Variants in MIIP observed in about 807,000 individuals in gnomAD.
MIIP encodes migration and invasion inhibitory protein, also known as migration and invasion-inhibitory protein.
A neutral mutation model predicts 44.8 loss-of-function variants in MIIP; 44 were observed. That is an observed-to-expected ratio of 0.98 (90% confidence interval 0.77 to 1.26). MIIP has a LOEUF of 1.26. MIIP is among the 50% of genes most tolerant of loss of function. The pLI is 0.00. For synonymous variants in MIIP, 225 were observed against 218.3 expected (o/e 1.03, Z -0.27); for missense variants, 496 against 511.7 (o/e 0.97, Z 0.30).
chr1:12,031,016 G>A (rs919330116), intron 8 of MIIP: 3 of 506,444 alleles, frequency 5.9e-6, no homozygotes, highest in Non-Finnish European at 1.1e-5. Context: ...CCTACAGCAG[G>A]AAGTACCCTG....
At chr1:12,029,343 C>T (rs1484752290) in intron 6 of MIIP, 62 bp downstream of exon 6, 3 of 1,528,676 alleles carry the variant, frequency 2.0e-6, no homozygotes, top group Non-Finnish European at 2.7e-6. Flanking sequence ...CTGGCCTCCC[C>T]TGCCCCAGAG....
At position 12,031,395 on chromosome 1, in the gene MIIP, T is replaced by C. The variant is rs775747063; in HGVS notation, c.1072T>C (p.Phe358Leu). ...HQKLSGTSSPFHPASPMQMLP... is the reference protein window; with the variant it reads ...HQKLSGTSSPLHPASPMQMLP... ...GAAGCTGTCCGGCACCAGCAGCCCTTTTCACCCGGTACGGTCCAGATCGCA... is the reference window on the plus strand; with the variant it reads ...GAAGCTGTCCGGCACCAGCAGCCCTCTTCACCCGGTACGGTCCAGATCGCA... Residue 358 changes from phenylalanine to leucine, a missense_variant, in exon 9 of 10, where the codon TTT becomes CTT. Physicochemically the swap from Phe to Leu is conservative, Grantham distance 22. Coordinates refer to ENST00000235332, the MANE Select transcript of MIIP (RefSeq NM_021933.4). The C allele has an allele frequency of 1.9e-6, 3 of 1,613,526 alleles. No homozygotes were observed. Among genetic ancestry groups the C allele is most frequent in the Non-Finnish European group, 2.5e-6 (3 of 1,179,804 alleles).
intron 1 of MIIP, among the ~76,000 whole-genome samples, chr1:12,020,835 C>T (rs1639958278): frequency 6.6e-6 from 1 of 152,234 alleles, no homozygotes; most frequent in Admixed American, 6.5e-5. Flanking sequence ...AGGCGCGTGC[C>T]ACCACGCCCG....
chr1:12,027,749 G>A (rs1640134048), intron 4 of MIIP, among the ~76,000 whole-genome samples: 1 of 152,128 alleles, frequency 6.6e-6, no homozygotes, highest in Non-Finnish European at 1.5e-5. Flanking sequence ...ACATCACCAT[G>A]AAGTTATTAA....
chr1:12,029,825 C>G lies in MIIP; in HGVS notation c.776C>G (p.Pro259Arg), dbSNP rs777956456. The change falls in exon 7 of 10, where the codon CCC becomes CGC. Residue 259 changes from proline to arginine, a missense_variant. Pro to Arg is a moderately radical substitution (Grantham distance 103). Coordinates refer to ENST00000235332, the MANE Select transcript of MIIP (RefSeq NM_021933.4). ...CCGGTGCCTGTGGATCCCGGTACCC[C>G]CTGCCGCCTGTGCAGGACACCGCGA... ...LFPVPVDPGT[P>R]CRLCRTPRDQ... is the part of the protein sequence containing the mutation. The G allele has an allele frequency of 1.2e-6, 2 of 1,613,290 alleles. No homozygotes were observed. The highest frequency in any genetic ancestry group is 1.7e-6 in the Non-Finnish European group (2 of 1,179,650).
At position 12,023,851 on chromosome 1, in the gene MIIP, G is replaced by A. The variant is rs574182195; in HGVS notation, c.547+934G>A. Among the ~76,000 whole-genome samples the A allele has an allele frequency of 1.2e-4, 18 of 152,114 alleles. No individual in the cohort carries two copies. The South Asian group carries it at 2.7e-3, about 23-fold the overall frequency. Reference sequence around the variant, plus strand: ...TCTACTAAAAATACAATAATTAGCCGGGTGTGGTGGCACGGGCTTATAATC... The same window carrying A: ...TCTACTAAAAATACAATAATTAGCCAGGTGTGGTGGCACGGGCTTATAATC... On this transcript the variant is annotated intron_variant, in intron 4 of 9. Transcript: ENST00000235332.
intron 1 of MIIP, among the ~76,000 whole-genome samples, chr1:12,020,831 G>T (rs1365319842): frequency 6.6e-6 from 1 of 152,056 alleles, no homozygotes; most frequent in Non-Finnish European, 1.5e-5. Context: ...TTACAGGCGC[G>T]TGCCACCACG....
intron 4 of MIIP, among the ~76,000 whole-genome samples, chr1:12,025,028 C>CTTTT (rs147513513): frequency 1.2e-3 from 147 of 123,642 alleles, no homozygotes; most frequent in South Asian, 3.0e-3. Flanking sequence ...AATTCCCTTC[C>CTTTT]TTTTTTTTTT....
chr1:12,031,426 G>A (rs1640240257), intron 9 of MIIP, 23 bp downstream of exon 9: 8 of 1,606,888 alleles, frequency 5.0e-6, no homozygotes, highest in Non-Finnish European at 6.8e-6. Context: ...TCGCATCCTA[G>A]CCTGGGGTGC....
chr1:12,024,981 C>T (rs892965937), intron 4 of MIIP, among the ~76,000 whole-genome samples: 5 of 150,508 alleles, frequency 3.3e-5, no homozygotes, highest in African/African-American at 1.2e-4. Flanking sequence ...TTTAACATAA[C>T]GGCCTCAAGA....
At chr1:12,021,492 G>A (rs969238582) in intron 1 of MIIP, among the ~76,000 whole-genome samples, 153 bp from the exon 2 acceptor site, 3 of 152,226 alleles carry the variant, frequency 2.0e-5, no homozygotes, top group Non-Finnish European at 4.4e-5. Flanking sequence ...ATCGTATGAG[G>A]TAGATACTGT....
chr1:12,030,066 G>A lies in MIIP; in HGVS notation c.884G>A (p.Arg295Gln), dbSNP rs373377818. 6.6e-5 allele frequency: 106 copies of A among 1,613,428 alleles called. No individual in the cohort carries two copies. Among genetic ancestry groups the A allele is most frequent in the African/African-American group, 9.3e-5 (7 of 74,920 alleles). ...CTGTCGATCCTGGAGCCCCCGCACCGGTACCACATCCACCGGCGAAAGAGC... is the reference window on the plus strand; with the variant it reads ...CTGTCGATCCTGGAGCCCCCGCACCAGTACCACATCCACCGGCGAAAGAGC... ...IPLSILEPPH[R>Q]YHIHRRKSFD... The change falls in exon 8 of 10, where the codon CGG becomes CAG. Residue 295 changes from arginine (R) to glutamine (Q), a missense_variant. By Grantham distance (43) the Arg-to-Gln change is conservative. Coordinates refer to ENST00000235332, the MANE Select transcript of MIIP (RefSeq NM_021933.4).
intron 1 of MIIP, among the ~76,000 whole-genome samples, chr1:12,021,343 G>A (rs1351468249): frequency 1.3e-5 from 2 of 150,728 alleles, no homozygotes; most frequent in Admixed American, 6.6e-5. Flanking sequence ...GCAGTGAGCC[G>A]AGATTGCGCC....
intron 4 of MIIP, among the ~76,000 whole-genome samples, chr1:12,025,810 TC>T (rs1640093867): frequency 6.6e-6 from 1 of 151,982 alleles, no homozygotes; most frequent in South Asian, 2.1e-4. Flanking sequence ...AAGCAATTCT[TC>T]CTCAGCCTCC....
chr1:12,028,536 C>G (rs925280637), intron 4 of MIIP, among the ~76,000 whole-genome samples: 1 of 152,158 alleles, frequency 6.6e-6, no homozygotes, highest in African/African-American at 2.4e-5. Context: ...CCTGGGAGGT[C>G]TCTGTGGCTT....
chr1:12,029,992 G>A, intron 7 of MIIP, 36 bp from the exon 8 acceptor site: 9 of 1,610,592 alleles, frequency 5.6e-6, no homozygotes, highest in Non-Finnish European at 7.6e-6. Flanking sequence ...ACCGCTGGGA[G>A]GCTCCTCAGG....
At chr1:12,028,891 C>A in intron 4 of MIIP, 142 bp from the exon 5 acceptor site, 1 of 657,488 alleles carries the variant, frequency 1.5e-6, no homozygotes, top group Non-Finnish European at 2.7e-6. Context: ...GAGGGGCCCT[C>A]CTGGCCTGTT....
At position 12,021,824 on chromosome 1, in the gene MIIP, C is replaced by G. The variant is rs1444406666; in HGVS notation, c.98C>G (p.Ala33Gly). ...VGQDAVRRSV[A>G]RAASESSLES... ...CAGGATGCTGTGCGGCGGTCAGTGGCCAGGGCAGCCTCGGAGGTGCGTGCC... is the reference window on the plus strand; with the variant it reads ...CAGGATGCTGTGCGGCGGTCAGTGGGCAGGGCAGCCTCGGAGGTGCGTGCC... Residue 33 changes from alanine to glycine, a missense_variant, in exon 2 of 10, where the codon GCC (alanine) becomes GGC (glycine). Physicochemically the swap from Ala to Gly is moderately conservative, Grantham distance 60. Transcript: ENST00000235332. 6.2e-7 allele frequency: 1 copy of G among 1,609,482 alleles called. No individual in the cohort carries two copies. The highest frequency in any genetic ancestry group is 8.5e-7 in the Non-Finnish European group (1 of 1,178,796).
chr1:12,026,786 G>T (rs1317460151), intron 4 of MIIP, among the ~76,000 whole-genome samples: 1 of 152,190 alleles, frequency 6.6e-6, no homozygotes, highest in Non-Finnish European at 1.5e-5. Flanking sequence ...TCACAGATGG[G>T]AAGGCTGAGG....
Sources: gnomAD v4.1 joint callset for allele counts (sites outside exome capture counted in the v4.1 genomes callset) on GRCh38, gnomAD v4.1.1 for gene constraint, MANE v1.5 for transcripts, NCBI Gene and HGNC (gene_info 2026-07-23, HGNC 2026-07-21) for gene names.